RORA: variants seen among roughly 807,000 people sequenced by gnomAD.
RORA encodes the protein nuclear receptor ROR-alpha.
RORA carries 7 observed loss-of-function variants against 69.5 expected under a neutral mutation model. The ratio of observed to expected loss-of-function variants is 0.10; its 90% CI spans 0.06 to 0.19. The LOEUF is 0.19. RORA is among the 10% of genes least tolerant of loss of function. RORA has a pLI of 1.00. For synonymous variants in RORA, 261 were observed against 240.8 expected (o/e 1.08, Z -0.78); for missense variants, 457 against 663.0 (o/e 0.69, Z 3.41).
At chr15:60,710,199 A>C (rs1185162150) in intron 1 of RORA, among the ~76,000 whole-genome samples, 3 of 152,160 alleles carry the variant, frequency 2.0e-5, no homozygotes, top group African/African-American at 7.2e-5. Flanking sequence ...TTATGTTAAA[A>C]ATTAGTTGGC....
chr15:60,759,162 A>G (rs1400400873), intron 1 of RORA, among the ~76,000 whole-genome samples: 1 of 152,200 alleles, frequency 6.6e-6, no homozygotes, highest in Admixed American at 6.5e-5. Context: ...CAGTAGCCAC[A>G]TGCATCTATG....
intron 1 of RORA, among the ~76,000 whole-genome samples, chr15:60,753,267 C>A (rs756637027): frequency 6.6e-6 from 1 of 152,212 alleles, no homozygotes; most frequent in Non-Finnish European, 1.5e-5. Context: ...GGTTTTCTTA[C>A]CCAAGATAGC....
At chr15:60,538,427 TG>T (rs980257291) in intron 2 of RORA, among the ~76,000 whole-genome samples, 3 of 152,076 alleles carry the variant, frequency 2.0e-5, no homozygotes, top group Admixed American at 6.5e-5. Context: ...CCTATATAAA[TG>T]GGAAGCTTCA....
intron 1 of RORA, among the ~76,000 whole-genome samples, chr15:61,171,886 G>T (rs969224178): frequency 1.3e-5 from 2 of 152,166 alleles, no homozygotes; most frequent in Non-Finnish European, 2.9e-5. Flanking sequence ...TTGGGACACC[G>T]ATCCTCAACA....
chr15:61,002,448 C>T (rs1003623096), intron 1 of RORA, among the ~76,000 whole-genome samples: 1 of 152,140 alleles, frequency 6.6e-6, no homozygotes, highest in African/African-American at 2.4e-5. Context: ...TATATTAACT[C>T]GATTCAATAG....
intron 5 of RORA, among the ~76,000 whole-genome samples, chr15:60,507,228 A>G (rs1282501950): frequency 6.6e-6 from 1 of 152,222 alleles, no homozygotes; most frequent in Non-Finnish European, 1.5e-5. Context: ...TCAAAAAATG[A>G]TCCCTCTCCC....
intron 2 of RORA, among the ~76,000 whole-genome samples, chr15:60,646,852 C>T (rs902684807): frequency 6.6e-6 from 1 of 152,316 alleles, no homozygotes; most frequent in Non-Finnish European, 1.5e-5. Flanking sequence ...TGTGGGACTC[C>T]GTTTCCTCAC....
intron 1 of RORA, among the ~76,000 whole-genome samples, chr15:61,151,739 A>G (rs1275255648): frequency 6.6e-6 from 1 of 152,180 alleles, no homozygotes; most frequent in Admixed American, 6.5e-5. Flanking sequence ...CCTCTAATAT[A>G]CTTTTTGAAT....
chr15:60,810,427 C>G (rs1487488400), intron 1 of RORA, among the ~76,000 whole-genome samples: 2 of 152,012 alleles, frequency 1.3e-5, no homozygotes, highest in Non-Finnish European at 2.9e-5. Flanking sequence ...ATGATCCTGT[C>G]TTAGTGTAGA....
At chr15:61,114,608 T>A (rs2079034260) in intron 1 of RORA, among the ~76,000 whole-genome samples, 2 of 152,348 alleles carry the variant, frequency 1.3e-5, no homozygotes, top group South Asian at 4.1e-4. Context: ...AGTCAGAGAT[T>A]CCTTAAGTAA....
Position 60,531,721 on chromosome 15 carries a change from T to G in RORA, c.282+45A>C. ...GAGACATACAAATCACAAAGATATA[T>G]TCTAACAAACATTAATAGAAACAAC... is the stretch of plus-strand genomic sequence containing the variant. On this transcript the variant is annotated intron_variant, in intron 3 of 10. Coordinates refer to ENST00000335670, the MANE Select transcript of RORA (RefSeq NM_134261.3). This position sits in a 1 kb window ranked among gnomAD's most constrained non-coding sequence, Gnocchi z 4.8. 1 of 1,080,542 alleles carries G rather than the reference T, an allele frequency of 9.3e-7. No homozygotes were observed. The highest frequency in any genetic ancestry group is 1.4e-6 in the Non-Finnish European group (1 of 726,420). The allele number at this position is 1,080,542 out of a possible 1,614,324, so 66.9% of individuals were successfully genotyped here.
intron 1 of RORA, among the ~76,000 whole-genome samples, chr15:60,817,553 C>A (rs1352831641): frequency 2.0e-5 from 3 of 152,220 alleles, no homozygotes; most frequent in African/African-American, 7.2e-5. Context: ...AACACCAGAA[C>A]TTATTCCTCC....
chr15:60,944,414 C>T (rs967570405), intron 1 of RORA, among the ~76,000 whole-genome samples: 4 of 151,990 alleles, frequency 2.6e-5, no homozygotes, highest in African/African-American at 2.4e-5. Context: ...AACAGAAAAC[C>T]GTATACAATA....
At chr15:60,566,681 A>G (rs1181626815) in intron 2 of RORA, among the ~76,000 whole-genome samples, 1 of 152,210 alleles carries the variant, frequency 6.6e-6, no homozygotes, top group Non-Finnish European at 1.5e-5. Flanking sequence ...CTTTTAGGGA[A>G]TTCGGGAAGA....
chr15:60,724,058 G>C (rs1270397318), intron 1 of RORA, among the ~76,000 whole-genome samples: 1 of 152,064 alleles, frequency 6.6e-6, no homozygotes, highest in Non-Finnish European at 1.5e-5. Flanking sequence ...TTTACCTCTG[G>C]CTTCATGTTA....
Position 60,492,322 on chromosome 15 carries a change from G to T in RORA, c.*5133C>A, listed in dbSNP as rs982017521. 6.6e-6 allele frequency: 1 copy of T among 152,126 alleles called. No individual in the cohort carries two copies. The highest frequency in any genetic ancestry group is 1.5e-5 in the Non-Finnish European group (1 of 68,016). 9.4% of individuals were successfully genotyped at this position (152,126 alleles called of 1,614,324 possible). A position where few individuals can be genotyped will look rare whatever the true frequency, so the allele number is the denominator to read the frequency against. On this transcript the variant is annotated 3_prime_UTR_variant, in exon 11 of 11. Coordinates refer to ENST00000335670, the MANE Select transcript of RORA (RefSeq NM_134261.3). ...AAACGGTATTTCAAAAATATAACAT[G>T]TAACACTAAATGTTGGCTCGAGTTG...
chr15:60,918,170 T>TTTCCAA (rs1891935794), intron 1 of RORA, among the ~76,000 whole-genome samples: 2 of 152,250 alleles, frequency 1.3e-5, no homozygotes, highest in African/African-American at 4.8e-5. Context: ...ATAACTAGTG[T>TTTCCAA]GTGGGACTTA....
chr15:60,754,612 C>T (rs1486751474), intron 1 of RORA, among the ~76,000 whole-genome samples: 4 of 152,200 alleles, frequency 2.6e-5, no homozygotes, highest in Non-Finnish European at 4.4e-5. Context: ...GACAACTCAA[C>T]TTCCACATCC....
At chr15:60,798,586 G>T (rs902998764) in intron 1 of RORA, among the ~76,000 whole-genome samples, 2 of 151,810 alleles carry the variant, frequency 1.3e-5, no homozygotes, top group South Asian at 2.1e-4. Flanking sequence ...GAACAGAGAG[G>T]ACTAAAGGCA....
Sources: allele counts gnomAD v4.1 joint callset (sites outside exome capture counted in the v4.1 genomes callset), GRCh38; gene constraint gnomAD v4.1.1; non-coding constraint Gnocchi (gnomAD v3.1); transcripts MANE v1.5; gene names NCBI Gene and HGNC (gene_info 2026-07-23, HGNC 2026-07-21).